The following AP3B1 variants were observed in gnomAD, a reference collection of about 807,000 sequenced individuals.
The protein encoded by AP3B1 is adaptor related protein complex 3 subunit beta 1.
Under a neutral mutation model 132.5 loss-of-function variants are expected in AP3B1, and 61 were observed. That is an observed-to-expected ratio of 0.46 (90% CI 0.37 to 0.57). The LOEUF (loss-of-function observed/expected upper bound fraction) is 0.57, where lower values mean the gene tolerates loss of function less well. AP3B1 is among the 20% of genes least tolerant of loss of function. The probability of loss-of-function intolerance (pLI) is 0.00; values close to 1 mark genes in which losing one functional copy is unlikely to be tolerated. For missense variants in AP3B1, 1,120 were observed against 1,289.4 expected, an observed-to-expected ratio of 0.87 and a Z score of 2.01; for synonymous variants, 388 against 438.3, an observed-to-expected ratio of 0.89 and a Z score of 1.43.
At chr5:78,097,088 C>A in intron 21 of AP3B1, among the ~76,000 whole-genome samples, 1 of 123,876 alleles carries the variant, frequency 8.1e-6, no homozygotes. Flanking sequence ...GCCCGGCCAG[C>A]CGCCCCGTCC....
chr5:78,287,743 C>A (rs1205484221), intron 1 of AP3B1, among the ~76,000 whole-genome samples: 2 of 123,402 alleles, frequency 1.6e-5, no homozygotes, highest in Admixed American at 8.5e-5. Context: ...ACTTAATGTA[C>A]CCCTTGTAAA....
intron 9 of AP3B1, 65 bp downstream of exon 9, chr5:78,177,274 C>T: frequency 1.8e-6 from 2 of 1,085,712 alleles, no homozygotes; most frequent in African/African-American, 1.6e-5. Context: ...TGAAAGATTA[C>T]ATTTGTTCAA....
intron 2 of AP3B1, among the ~76,000 whole-genome samples, chr5:78,246,838 ATTAT>A (rs1324260506): frequency 2.0e-5 from 3 of 151,878 alleles, no homozygotes; most frequent in African/African-American, 7.2e-5. Flanking sequence ...ACTCTACCTT[ATTAT>A]TTCTTTCTTT....
rs191921959 is a variant in AP3B1, at chr5:78,054,758, G to A, written c.2578-15484C>T. Among the ~76,000 whole-genome samples, 301 of 152,292 alleles carry A rather than the reference G, an allele frequency of 2.0e-3. 1 individual carries two copies. The highest frequency in any genetic ancestry group is 7.0e-3 in the African/African-American group (289 of 41,570). ...TGGATTCCCCTTGATGAAGGATGCGGATGTCACCTAGAAGAGGTCCTGGCG... is the reference window on the plus strand; with the variant it reads ...TGGATTCCCCTTGATGAAGGATGCGAATGTCACCTAGAAGAGGTCCTGGCG... On this transcript the variant is annotated intron_variant, in intron 22 of 26. Transcript: ENST00000255194.
chr5:78,077,685 G>A (rs890005217), intron 22 of AP3B1, among the ~76,000 whole-genome samples: 4 of 150,840 alleles, frequency 2.7e-5, no homozygotes, highest in Non-Finnish European at 3.0e-5. Context: ...TTCTAGGAGC[G>A]TCATTCTTCT....
intron 3 of AP3B1, among the ~76,000 whole-genome samples, chr5:78,240,368 T>C (rs1460555495): frequency 6.6e-6 from 1 of 152,184 alleles, no homozygotes; most frequent in Non-Finnish European, 1.5e-5. Flanking sequence ...CAGAAAACAG[T>C]ATTTTACTGG....
At chr5:78,184,846 TA>T (rs1191502566) in intron 7 of AP3B1, among the ~76,000 whole-genome samples, 4 of 152,012 alleles carry the variant, frequency 2.6e-5, no homozygotes, top group Admixed American at 1.3e-4. Flanking sequence ...ATTTGGCAAA[TA>T]AAACTACAAA....
At chr5:78,040,943 T>C (rs189420794) in intron 22 of AP3B1, among the ~76,000 whole-genome samples, 1 of 152,276 alleles carries the variant, frequency 6.6e-6, no homozygotes, top group African/African-American at 2.4e-5. Context: ...GTATTCTTTC[T>C]CTAAAAGTGC....
At chr5:78,241,053 C>A in intron 2 of AP3B1, 117 bp from the exon 3 acceptor site, 1 of 712,626 alleles carries the variant, frequency 1.4e-6, no homozygotes, top group Non-Finnish European at 2.5e-6. Flanking sequence ...AATCATCTTA[C>A]CTCAACTATT....
intron 22 of AP3B1, among the ~76,000 whole-genome samples, chr5:78,080,623 A>ATTTTTTTTTTTTTTTTTTTT: frequency 9.7e-6 from 1 of 103,548 alleles, no homozygotes; most frequent in Non-Finnish European, 1.9e-5. Context: ...TATGCCTCCA[A>ATTTTTTTTTTTTTTTTTTTT]TTTTTTTTTT....
At chr5:78,025,483 C>G (rs1034640096) in intron 24 of AP3B1, among the ~76,000 whole-genome samples, 14 of 152,178 alleles carry the variant, frequency 9.2e-5, no homozygotes, top group African/African-American at 3.4e-4. Context: ...TAAGAGTGAT[C>G]AAGTGACCCA....
intron 26 of AP3B1, among the ~76,000 whole-genome samples, chr5:78,012,301 T>C (rs148360548): frequency 1.6e-4 from 25 of 152,060 alleles, no homozygotes; most frequent in African/African-American, 5.8e-4. Context: ...AAACACTAAT[T>C]CCTATTTCAT....
At chr5:78,079,223 T>G (rs1017379501) in intron 22 of AP3B1, among the ~76,000 whole-genome samples, 4 of 152,222 alleles carry the variant, frequency 2.6e-5, no homozygotes, top group Admixed American at 1.3e-4. Flanking sequence ...CATTTTTTTT[T>G]GAAATAAAAT....
chr5:78,252,376 G>T (rs1191813639), intron 2 of AP3B1, among the ~76,000 whole-genome samples: 1 of 152,126 alleles, frequency 6.6e-6, no homozygotes, highest in Non-Finnish European at 1.5e-5. Flanking sequence ...GCACCAAGTG[G>T]GCTCTTAGCG....
At chr5:78,145,420 C>T (rs1418382273) in intron 14 of AP3B1, among the ~76,000 whole-genome samples, 1 of 152,050 alleles carries the variant, frequency 6.6e-6, no homozygotes, top group African/African-American at 2.4e-5. Flanking sequence ...AGAAACTTGC[C>T]CACATCTCAC....
At chr5:78,228,781 C>T (rs1293791305) in intron 3 of AP3B1, among the ~76,000 whole-genome samples, 2 of 152,118 alleles carry the variant, frequency 1.3e-5, no homozygotes, top group Non-Finnish European at 2.9e-5. Context: ...AGTCCAGAGC[C>T]CTAACTCTGA....
intron 2 of AP3B1, among the ~76,000 whole-genome samples, chr5:78,251,569 TG>T (rs1723445273): frequency 6.6e-6 from 1 of 152,202 alleles, no homozygotes; most frequent in Admixed American, 6.5e-5. Context: ...CACTGAACTC[TG>T]TGCTGTCCTG....
chr5:78,181,563 C>T lies in AP3B1; in HGVS notation c.886G>A (p.Asp296Asn). 6.2e-7 allele frequency: 1 copy of T among 1,613,132 alleles called. No individual in the cohort carries two copies. Among genetic ancestry groups the T allele is most frequent in the Non-Finnish European group, 8.5e-7 (1 of 1,179,444 alleles). ...GTATTTCTAATTAAGAGTCTATGAT[C>T]TGGATCCATAGTATACGGCTTCTTC... is the stretch of plus-strand genomic sequence containing the variant. ...KKKKPYTMDPDHRLLIRNTKP... is the reference protein window; with the variant it reads ...KKKKPYTMDPNHRLLIRNTKP... The change falls in exon 8 of 27, where the codon GAT becomes AAT. Residue 296 changes from aspartate (D) to asparagine (N), a missense_variant. Around this residue, in one of 3 missense-constraint regions of AP3B1, gnomAD observed 906 missense variants for 997.1 expected, o/e 0.91. Transcript: ENST00000255194.
chr5:78,285,706 G>A (rs556996413), intron 1 of AP3B1, among the ~76,000 whole-genome samples: 1 of 151,988 alleles, frequency 6.6e-6, no homozygotes, highest in African/African-American at 2.4e-5. Context: ...CTTCATTTTA[G>A]TTGACAGCTA....
Sources: allele counts gnomAD v4.1 joint callset (sites outside exome capture counted in the v4.1 genomes callset), GRCh38; gene constraint gnomAD v4.1.1; regional missense constraint gnomAD v4.1.1; transcripts MANE v1.5; gene names NCBI Gene and HGNC (gene_info 2026-07-23, HGNC 2026-07-21).